TBX2: variants seen among roughly 807,000 people sequenced by gnomAD.
TBX2 encodes T-box transcription factor 2, also known as T-box transcription factor TBX2.
Under a neutral mutation model 48.4 loss-of-function variants are expected in TBX2, and 19 were observed. The observed-to-expected ratio is 0.39, with a 90% CI of 0.27 to 0.58. TBX2 has a LOEUF of 0.58. Among genes scored for constraint, TBX2 ranks in the 20% least tolerant of loss-of-function variants. TBX2 has a pLI of 0.54. For synonymous variants in TBX2, 522 were observed against 459.7 expected, an observed-to-expected ratio of 1.14 and a Z score of -1.73; for missense variants, 994 against 1,006.5, an observed-to-expected ratio of 0.99 and a Z score of 0.17.
At chr17:61,405,991 C>T (rs1337900830) in intron 6 of TBX2, 155 bp downstream of exon 6, 4 of 731,332 alleles carry the variant, frequency 5.5e-6, no homozygotes, top group Non-Finnish European at 7.5e-6. Flanking sequence ...CCCTTTAGGA[C>T]ACCTGGGTTC....
chr17:61,401,766 G>T lies in TBX2; in HGVS notation c.478G>T (p.Ala160Ser). ...TATCCTGCTGATGGACATTGTAGCC[G>T]CTGACGATTGCCGCTATAAGTTCCA... ...KYILLMDIVA[A>S]DDCRYKFHNS... is the part of the protein sequence containing the mutation. The change falls in exon 2 of 7, where the codon GCT becomes TCT. Residue 160 changes from alanine (A) to serine (S), a missense_variant. Transcript: ENST00000240328. 1 of 1,613,124 alleles carries T rather than the reference G, an allele frequency of 6.2e-7. No individual in the cohort carries two copies. The highest frequency in any genetic ancestry group is 1.3e-5 in the African/African-American group (1 of 75,060).
chr17:61,403,216 G>A lies in TBX2; in HGVS notation c.810+9G>A, dbSNP rs766782230. 1.2e-6 allele frequency: 2 copies of A among 1,611,558 alleles called. No homozygotes were observed. Among genetic ancestry groups the A allele is most frequent in the African/African-American group, 2.7e-5 (2 of 74,930 alleles). ...CCTACCAGAATGACAAGGTGCGCGC[G>A]GCGGGCGGTGGGCTAAGCCCCTGCA... is the stretch of plus-strand genomic sequence containing the variant. On this transcript the variant is annotated intron_variant, in intron 3 of 6. Coordinates refer to ENST00000240328, the MANE Select transcript of TBX2 (RefSeq NM_005994.4). The surrounding 1 kb of genome is among the most constrained non-coding windows in gnomAD (Gnocchi z 5.8).
Position 61,408,802 on chromosome 17 carries a change from G to T in TBX2, c.*296G>T. On this transcript the variant is annotated 3_prime_UTR_variant, in exon 7 of 7. Coordinates refer to ENST00000240328, the MANE Select transcript of TBX2 (RefSeq NM_005994.4). ...CTGGTCTTCCAGCGAGGTGGGAGAG[G>T]CCTCATCCAGGGCCCAGCGGTCCCT... 1 of 335,554 alleles carries T rather than the reference G, an allele frequency of 3.0e-6. No homozygotes were observed. 20.8% of individuals were successfully genotyped at this position (335,554 alleles called of 1,614,324 possible).
rs1428036611 is a variant in TBX2, at chr17:61,400,655, G to A, written c.395+84G>A. ...CTGCACGGATCAGAGCAGAGCTGGG[G>A]ACTCCCGGCTCCCGGCTCCCGGCTC... On this transcript the variant is annotated intron_variant, in intron 1 of 6. Transcript: ENST00000240328. This position sits in a 1 kb window ranked among gnomAD's most constrained non-coding sequence, Gnocchi z 9.2. The A allele has an allele frequency of 3.0e-6, 4 of 1,337,902 alleles. No individual in the cohort carries two copies. The highest frequency in any genetic ancestry group is 3.0e-6 in the Non-Finnish European group (3 of 994,622). The allele number at this position is 1,337,902 out of a possible 1,614,324, so 82.9% of individuals were successfully genotyped here. A position where few individuals can be genotyped will look rare whatever the true frequency, so the allele number is the denominator to read the frequency against.
At chr17:61,404,966 G>C in intron 5 of TBX2, 197 bp downstream of exon 5, 1 of 1,247,916 alleles carries the variant, frequency 8.0e-7, no homozygotes, top group South Asian at 1.3e-5. Context: ...GCCGGACTCC[G>C]AGCCTGGCCC....
chr17:61,400,380 A>T lies in TBX2; in HGVS notation c.204A>T (p.Ala68=), dbSNP rs1449954999. The T allele has an allele frequency of 2.6e-6, 3 of 1,142,612 alleles. No individual in the cohort carries two copies. Among genetic ancestry groups the T allele is most frequent in the African/African-American group, 3.3e-5 (2 of 60,190 alleles). The allele number at this position is 1,142,612 out of a possible 1,614,324, so 70.8% of individuals were successfully genotyped here. A position where few individuals can be genotyped will look rare whatever the true frequency, so the allele number is the denominator to read the frequency against. ...CGGCGGCCGCGGCGGCGGCGGCGGC[A>T]GCAGCGGCCGAGGCGGGGCTGCACG... ...AGAAAAAAAA[A]AAAEAGLHVS... is the part of the protein sequence containing the mutation. Residue 68 remains alanine (A), a synonymous_variant, in exon 1 of 7, where the codon GCA becomes GCT. Coordinates refer to ENST00000240328, the MANE Select transcript of TBX2 (RefSeq NM_005994.4). The surrounding 1 kb of genome is among the most constrained non-coding windows in gnomAD (Gnocchi z 9.2).
In TBX2 at chr17:61,401,819, G is replaced by T. The variant is rs1025055045; in HGVS notation, c.531G>T (p.Lys177Asn). The change falls in exon 2 of 7, where the codon AAG becomes AAT. Residue 177 changes from lysine (K) to asparagine (N), a missense_variant. Lys to Asn is a moderately conservative substitution (Grantham distance 94, BLOSUM62 0). This residue lies in a region of TBX2 where 153 missense variants were observed against 166.2 expected (regional missense o/e 0.92). Coordinates refer to ENST00000240328, the MANE Select transcript of TBX2 (RefSeq NM_005994.4). ...FHNSRWMVAG[K>N]ADPEMPKRMY... Reference sequence around the variant, plus strand: ...ACTCGCGCTGGATGGTGGCGGGCAAGGCCGACCCTGAGATGCCCAAACGCA... The same window carrying T: ...ACTCGCGCTGGATGGTGGCGGGCAATGCCGACCCTGAGATGCCCAAACGCA... The T allele has an allele frequency of 2.5e-6, 4 of 1,613,014 alleles. No individual in the cohort carries two copies. The highest frequency in any genetic ancestry group is 3.4e-6 in the Non-Finnish European group (4 of 1,180,048).
rs994490457 is a variant in TBX2 at position 61,403,611 on chromosome 17, G to T, written c.810+404G>T. 3.9e-5 allele frequency among the ~76,000 whole-genome samples: 6 copies of T among 152,052 alleles called. No homozygotes were observed. Among genetic ancestry groups the T allele is most frequent in the African/African-American group, 1.4e-4 (6 of 41,410 alleles). On this transcript the variant is annotated intron_variant, in intron 3 of 6. Transcript: ENST00000240328. The surrounding 1 kb of genome is among the most constrained non-coding windows in gnomAD (Gnocchi z 5.8). ...GCTCTACCGATGCTCAGAACCCGGG[G>T]CCCAGTTTTCACTCTCTCGGGGGGA...
At position 61,408,376 on chromosome 17, in the gene TBX2, C is replaced by T; in HGVS notation, c.2009C>T (p.Pro670Leu). 1 of 1,571,350 alleles carries T rather than the reference C, an allele frequency of 6.4e-7. No homozygotes were observed. The highest frequency in any genetic ancestry group is 8.6e-7 in the Non-Finnish European group (1 of 1,159,424). The change falls in exon 7 of 7, where the codon CCA (proline) becomes CTA (leucine). Residue 670 changes from proline to leucine, a missense_variant. Transcript: ENST00000240328. ...PELALRKVGA[P>L]SRGALSPSGS... ...CTGGCTCTCCGCAAAGTAGGGGCCC[C>T]ATCCCGCGGTGCCCTGTCGCCCAGT... is the stretch of plus-strand genomic sequence containing the variant.
In TBX2 at chr17:61,405,218, C is replaced by T. The variant is rs1216884550; in HGVS notation, c.1068C>T (p.Cys356=). Residue 356 remains cysteine, a synonymous_variant, in exon 6 of 7, where the codon TGC becomes TGT. Transcript: ENST00000240328. ...TCCCCGCAGCTGAGGAGAAGTCGTGCGCCGCGGACAGCGACCCGGAGCCTG... is the reference window on the plus strand; with the variant it reads ...TCCCCGCAGCTGAGGAGAAGTCGTGTGCCGCGGACAGCGACCCGGAGCCTG... The part of the protein sequence containing the change: ...LHRARAEEKS[C]AADSDPEPER... The T allele has an allele frequency of 6.5e-7, 1 of 1,547,284 alleles. No individual in the cohort carries two copies. The highest frequency in any genetic ancestry group is 1.9e-5 in the Admixed American group (1 of 52,332).
Position 61,408,846 on chromosome 17 carries a change from A to G in TBX2, c.*340A>G, listed in dbSNP as rs760607075. The G allele has an allele frequency of 4.1e-6, 1 of 245,400 alleles. No individual in the cohort carries two copies. 15.2% of individuals were successfully genotyped at this position (245,400 alleles called of 1,614,324 possible). On this transcript the variant is annotated 3_prime_UTR_variant, in exon 7 of 7. Transcript: ENST00000240328. ...GGTCCCTGCAGAAGCCAGAAGGTGC[A>G]GGGGCCAGGGGTGGGAGCATCGGAG...
chr17:61,405,475 G>A lies in TBX2; in HGVS notation c.1325G>A (p.Gly442Asp), dbSNP rs371850274. The A allele has an allele frequency of 4.8e-5, 75 of 1,578,230 alleles. No homozygotes were observed. Among genetic ancestry groups the A allele is most frequent in the African/African-American group, 6.7e-5 (5 of 74,150 alleles). The change falls in exon 6 of 7, where the codon GGC becomes GAC. Residue 442 changes from glycine to aspartate, a missense_variant. Transcript: ENST00000240328. ...KDEGRKEAAE[G>D]KEQGLAPLVV... ...GAGGGGCGCAAGGAGGCGGCCGAGG[G>A]CAAGGAGCAGGGCCTGGCGCCGCTG... is the stretch of plus-strand genomic sequence containing the variant.
At chr17:61,404,825 G>A in intron 5 of TBX2, 56 bp downstream of exon 5, 1 of 1,531,796 alleles carries the variant, frequency 6.5e-7, no homozygotes, top group African/African-American at 1.4e-5. Flanking sequence ...TCCTCAGGTC[G>A]CTGGGCTGGT....
Position 61,404,661 on chromosome 17 carries a change from C to A in TBX2, c.943C>A (p.Arg315Ser). 2.5e-6 allele frequency: 4 copies of A among 1,587,348 alleles called. No individual in the cohort carries two copies. Among genetic ancestry groups the A allele is most frequent in the South Asian group, 2.3e-5 (2 of 87,770 alleles). ...RLYEEHCKPE[R>S]DGAESDASSC... Reference sequence around the variant, plus strand: ...GTACGAGGAGCACTGCAAACCCGAGCGCGATGGCGCGGAGTCAGACGCCTC... The same window carrying A: ...GTACGAGGAGCACTGCAAACCCGAGAGCGATGGCGCGGAGTCAGACGCCTC... Residue 315 changes from arginine to serine, a missense_variant, in exon 5 of 7, where the codon CGC becomes AGC. Coordinates refer to ENST00000240328, the MANE Select transcript of TBX2 (RefSeq NM_005994.4).
intron 2 of TBX2, 90 bp from the exon 3 acceptor site, chr17:61,402,971 A>AGAGGGAGAGAGGGAGAGAGAG (rs11445838): frequency 1.3e-5 from 3 of 226,342 alleles, no homozygotes; most frequent in African/African-American, 6.7e-5. Context: ...AGAGAGAGAG[A>AGAGGGAGAGAGGGAGAGAGAG]AAGTGGAGAG....
At chr17:61,407,970 G>C in intron 6 of TBX2, 84 bp from the exon 7 acceptor site, 2 of 1,458,918 alleles carry the variant, frequency 1.4e-6, no homozygotes, top group Middle Eastern at 1.8e-4. Context: ...AGAAGGGCAC[G>C]GTGTCCAGGG....
chr17:61,408,518 G>A lies in TBX2; in HGVS notation c.*12G>A, dbSNP rs1028944131. 7.0e-7 allele frequency: 1 copy of A among 1,434,836 alleles called. No individual in the cohort carries two copies. Among genetic ancestry groups the A allele is most frequent in the Non-Finnish European group, 9.1e-7 (1 of 1,095,412 alleles). 88.9% of individuals were successfully genotyped at this position (1,434,836 alleles called of 1,614,324 possible). ...AGTCGCCCAAGTGAGGGGCTGCCCA[G>A]CTGCTCCCCTGCCACGCAGGCCACC... On this transcript the variant is annotated 3_prime_UTR_variant, in exon 7 of 7. Transcript: ENST00000240328.
In TBX2 at chr17:61,406,274, C is replaced by G. The variant is rs1184369635; in HGVS notation, c.1686+438C>G. ...ATTCTGAAAGGCTAAGGTGGCCAGA[C>G]AGACAAAGGGAGAAGGAACATTTGC... On this transcript the variant is annotated intron_variant, in intron 6 of 6. Coordinates refer to ENST00000240328, the MANE Select transcript of TBX2 (RefSeq NM_005994.4). The surrounding 1 kb of genome is among the most constrained non-coding windows in gnomAD (Gnocchi z 5.7). 1 of 163,606 alleles carries G rather than the reference C, an allele frequency of 6.1e-6. No individual in the cohort carries two copies. The highest frequency in any genetic ancestry group is 1.3e-5 in the Non-Finnish European group (1 of 76,064). The allele number at this position is 163,606 out of a possible 1,614,324, so 10.1% of individuals were successfully genotyped here.
chr17:61,401,480 C>G (rs1486603293), intron 1 of TBX2, among the ~76,000 whole-genome samples: 1 of 152,138 alleles, frequency 6.6e-6, no homozygotes, highest in Non-Finnish European at 1.5e-5. Flanking sequence ...GAGGGTCTGA[C>G]AGGCAGAAAT....
Sources: allele counts gnomAD v4.1 joint callset (sites outside exome capture counted in the v4.1 genomes callset), GRCh38; gene constraint gnomAD v4.1.1; regional missense constraint gnomAD v4.1.1; non-coding constraint Gnocchi (gnomAD v3.1); transcripts MANE v1.5; gene names NCBI Gene and HGNC (gene_info 2026-07-23, HGNC 2026-07-21).